KCNK10: variants seen among roughly 807,000 people sequenced by gnomAD.
KCNK10 encodes the protein potassium two pore domain channel subfamily K member 10.
A neutral mutation model predicts 47.7 loss-of-function variants in KCNK10; 25 were observed. That is an observed-to-expected ratio of 0.52 (90% CI 0.38 to 0.73). The LOEUF (loss-of-function observed/expected upper bound fraction) is 0.73. Ranked by LOEUF, KCNK10 falls within the 30% of genes least tolerant of loss-of-function variation. The probability of loss-of-function intolerance (pLI) is 0.00; values close to 1 mark genes in which losing one functional copy is unlikely to be tolerated. For synonymous variants in KCNK10, 303 were observed against 285.6 expected (o/e 1.06, Z -0.61); for missense variants, 563 against 714.5 (o/e 0.79, Z 2.42).
intron 4 of KCNK10, 44 bp downstream of exon 4, chr14:88,227,331 A>C: frequency 6.6e-7 from 1 of 1,515,834 alleles, no homozygotes; most frequent in Non-Finnish European, 8.9e-7. Flanking sequence ...GCTAAAGCCA[A>C]CTGGATCACA....
intron 2 of KCNK10, among the ~76,000 whole-genome samples, chr14:88,257,292 T>C (rs1243928706): frequency 1.3e-5 from 2 of 152,110 alleles, no homozygotes; most frequent in Non-Finnish European, 2.9e-5. Context: ...TGACTCGACA[T>C]TCCACAACAT....
chr14:88,322,710 G>C lies in KCNK10; in HGVS notation c.52+37C>G, dbSNP rs745787714. On this transcript the variant is annotated intron_variant, in intron 1 of 6. Transcript: ENST00000319231. This position sits in a 1 kb window ranked among gnomAD's most constrained non-coding sequence, Gnocchi z 4.8. ...GAAGCGCGCACACGCCGGAGACAGA[G>C]GCAGGGCGAGGGCAGCCAAAAGTAG... 4 of 1,613,490 alleles carry C rather than the reference G, an allele frequency of 2.5e-6. No individual in the cohort carries two copies. In the South Asian group the frequency reaches 3.3e-5, roughly 13 times the overall value.
chr14:88,228,986 C>T (rs1300753520), intron 3 of KCNK10, among the ~76,000 whole-genome samples: 1 of 152,082 alleles, frequency 6.6e-6, no homozygotes, highest in African/African-American at 2.4e-5. Flanking sequence ...ATTAAGCTAG[C>T]CCTATTGAAA....
At chr14:88,190,663 T>G (rs1263310788) in intron 5 of KCNK10, among the ~76,000 whole-genome samples, 1 of 152,054 alleles carries the variant, frequency 6.6e-6, no homozygotes, top group Non-Finnish European at 1.5e-5. Context: ...TTTAGTCACT[T>G]TGCAATTCTT....
intron 1 of KCNK10, among the ~76,000 whole-genome samples, chr14:88,271,278 A>G (rs1050593651): frequency 1.3e-5 from 2 of 152,138 alleles, no homozygotes; most frequent in Non-Finnish European, 2.9e-5. Context: ...TCATTCATCC[A>G]TTCTCCCATT....
chr14:88,254,245 G>C (rs1041086899), intron 2 of KCNK10, among the ~76,000 whole-genome samples: 25 of 152,158 alleles, frequency 1.6e-4, no homozygotes, highest in African/African-American at 6.0e-4. Flanking sequence ...TCACTCTGAG[G>C]GGATTAGACC....
intron 4 of KCNK10, among the ~76,000 whole-genome samples, chr14:88,214,843 A>G (rs909974610): frequency 3.3e-5 from 5 of 152,178 alleles, no homozygotes; most frequent in Non-Finnish European, 5.9e-5. Context: ...TCAACTAGCC[A>G]TTTTTATCTG....
chr14:88,209,619 TA>T (rs907405090), intron 4 of KCNK10, among the ~76,000 whole-genome samples: 1 of 152,224 alleles, frequency 6.6e-6, no homozygotes, highest in Admixed American at 6.5e-5. Context: ...CCGTCCCAGA[TA>T]CAGACCCTGT....
At chr14:88,287,119 C>T (rs114599005) in intron 1 of KCNK10, among the ~76,000 whole-genome samples, 75 of 152,286 alleles carry the variant, frequency 4.9e-4, no homozygotes, top group Non-Finnish European at 1.0e-3. Flanking sequence ...ATGCCACTAA[C>T]AGGCAGGGCC....
At chr14:88,294,544 G>A (rs1472851540) in intron 1 of KCNK10, among the ~76,000 whole-genome samples, 1 of 152,178 alleles carries the variant, frequency 6.6e-6, no homozygotes, top group Non-Finnish European at 1.5e-5. Context: ...GATTTCTTGG[G>A]TACAATGTAT....
chr14:88,290,629 G>C (rs1887855706), intron 1 of KCNK10, among the ~76,000 whole-genome samples: 1 of 152,148 alleles, frequency 6.6e-6, no homozygotes, highest in South Asian at 2.1e-4. Flanking sequence ...GGGAAGTTAG[G>C]TACTTTGCCC....
At chr14:88,299,755 G>T (rs1888057966) in intron 1 of KCNK10, among the ~76,000 whole-genome samples, 1 of 152,132 alleles carries the variant, frequency 6.6e-6, no homozygotes, top group Admixed American at 6.5e-5. Flanking sequence ...TAAATTTAAA[G>T]AAAAGCATTC....
chr14:88,303,767 G>A (rs914038963), intron 1 of KCNK10, among the ~76,000 whole-genome samples: 1 of 152,172 alleles, frequency 6.6e-6, no homozygotes, highest in Non-Finnish European at 1.5e-5. Context: ...AAATGAAGTT[G>A]TTTCGACCAA....
At chr14:88,207,086 T>C (rs60655075) in intron 4 of KCNK10, among the ~76,000 whole-genome samples, 4,275 of 152,162 alleles carry the variant, frequency 0.028, 213 homozygotes, top group African/African-American at 0.097. Flanking sequence ...TTCAAAATAA[T>C]TGTACTTCAA....
intron 2 of KCNK10, among the ~76,000 whole-genome samples, chr14:88,246,610 T>C (rs1274021850): frequency 6.6e-6 from 1 of 152,242 alleles, no homozygotes; most frequent in East Asian, 1.9e-4. Flanking sequence ...CAAACAACCA[T>C]GGGAGGGTCT....
intron 2 of KCNK10, among the ~76,000 whole-genome samples, chr14:88,257,174 T>C (rs572587238): frequency 9.2e-5 from 14 of 152,316 alleles, no homozygotes; most frequent in African/African-American, 3.4e-4. Flanking sequence ...ACATTCTAAC[T>C]GGTCTTCCTT....
chr14:88,238,937 G>A (rs942020055), intron 3 of KCNK10, among the ~76,000 whole-genome samples: 1 of 152,122 alleles, frequency 6.6e-6, no homozygotes, highest in African/African-American at 2.4e-5. Context: ...TGGCCAGCTG[G>A]TGGAACAGTC....
intron 1 of KCNK10, among the ~76,000 whole-genome samples, chr14:88,267,954 A>T (rs1025580563): frequency 6.6e-6 from 1 of 152,178 alleles, no homozygotes; most frequent in Admixed American, 6.5e-5. Flanking sequence ...CCTCACTACA[A>T]GGAATTATCA....
At chr14:88,205,256 C>T (rs1885232010) in intron 4 of KCNK10, among the ~76,000 whole-genome samples, 1 of 152,222 alleles carries the variant, frequency 6.6e-6, no homozygotes, top group Admixed American at 6.5e-5. Context: ...CTTTTAAGGG[C>T]TGTTCCATCT....
Sources: gnomAD v4.1 joint callset for allele counts (sites outside exome capture counted in the v4.1 genomes callset) on GRCh38, gnomAD v4.1.1 for gene constraint, Gnocchi (gnomAD v3.1) non-coding constraint, MANE v1.5 for transcripts, NCBI Gene and HGNC (gene_info 2026-07-23, HGNC 2026-07-21) for gene names.